The following DPP6 variants were observed in gnomAD, a reference collection of about 807,000 sequenced individuals.
The protein encoded by DPP6 is A-type potassium channel modulatory protein DPP6.
Under a neutral mutation model 122.6 loss-of-function variants are expected in DPP6, and 69 were observed. The observed-to-expected ratio is 0.56, with a 90% CI of 0.46 to 0.69. DPP6 has a LOEUF of 0.69. DPP6 is among the 30% of genes least tolerant of loss of function. The probability of loss-of-function intolerance (pLI) is 0.00; values close to 1 mark genes in which losing one functional copy is unlikely to be tolerated. For synonymous variants in DPP6, 418 were observed against 433.1 expected, an observed-to-expected ratio of 0.97 and a Z score of 0.43; for missense variants, 928 against 1,116.9, an observed-to-expected ratio of 0.83 and a Z score of 2.41.
At chr7:153,846,778 C>A in the DPP6 span, among the ~76,000 whole-genome samples, 48 of 150,552 alleles carry the variant, frequency 3.2e-4, no homozygotes, top group African/African-American at 1.0e-3. Flanking sequence ...CTGCAAGCTC[C>A]GCCTCCTGGG....
At chr7:154,775,370 C>G (rs887243024) in intron 10 of DPP6, among the ~76,000 whole-genome samples, 1 of 152,090 alleles carries the variant, frequency 6.6e-6, no homozygotes, top group African/African-American at 2.4e-5. Flanking sequence ...TATACATACC[C>G]CTTGTATGTG....
Position 154,885,690 on chromosome 7 carries a change from C to G in DPP6, c.2191C>G (p.Gln731Glu). ...ILPAKGENQG[Q>E]TFTCGSALSP... Reference sequence around the variant, plus strand: ...CCCAGCAAAGGGAGAAAATCAAGGCCAGACATTCACCTGCGGCTCTGCTCT... The same window carrying G: ...CCCAGCAAAGGGAGAAAATCAAGGCGAGACATTCACCTGCGGCTCTGCTCT... Residue 731 changes from glutamine to glutamate, a missense_variant, in exon 22 of 26, where the codon CAG becomes GAG. Transcript: ENST00000377770. 2 of 1,598,302 alleles carry G rather than the reference C, an allele frequency of 1.3e-6. No individual in the cohort carries two copies. The highest frequency in any genetic ancestry group is 2.3e-5 in the South Asian group (2 of 87,844).
chr7:154,721,915 C>A (rs1469034727), intron 7 of DPP6, among the ~76,000 whole-genome samples: 3 of 150,800 alleles, frequency 2.0e-5, no homozygotes, highest in Non-Finnish European at 1.5e-5. Flanking sequence ...CCTCTAATCC[C>A]AACACTTGTG....
chr7:153,847,359 A>AT, the DPP6 span, among the ~76,000 whole-genome samples: 17 of 152,134 alleles, frequency 1.1e-4, 1 homozygote, highest in Admixed American at 9.8e-4. Flanking sequence ...GTGGTGTTTG[A>AT]TTCTTTGTCT....
intron 16 of DPP6, among the ~76,000 whole-genome samples, chr7:154,808,058 T>C (rs1186599550): frequency 6.6e-6 from 1 of 152,122 alleles, no homozygotes; most frequent in African/African-American, 2.4e-5. Flanking sequence ...TCATCCTAAA[T>C]ATGGTCGTAA....
the DPP6 span, among the ~76,000 whole-genome samples, chr7:153,873,181 C>T: frequency 6.6e-6 from 1 of 152,174 alleles, no homozygotes; most frequent in Non-Finnish European, 1.5e-5. Context: ...TAACAACCGG[C>T]TCCCATGGGA....
chr7:154,536,807 T>C (rs984794899), intron 3 of DPP6, among the ~76,000 whole-genome samples: 1 of 152,198 alleles, frequency 6.6e-6, no homozygotes, highest in Non-Finnish European at 1.5e-5. Flanking sequence ...GCTGAAATAT[T>C]ATTGATCACA....
At chr7:153,837,837 ATTTTTTTTTTTTT>A in the DPP6 span, among the ~76,000 whole-genome samples, 1 of 80,630 alleles carries the variant, frequency 1.2e-5, no homozygotes, top group Non-Finnish European at 2.3e-5. Flanking sequence ...TGCCTGGTTA[ATTTTTTTTTTTTT>A]TTTTTTTTTT....
intron 1 of DPP6, among the ~76,000 whole-genome samples, chr7:154,360,147 G>T (rs915272858): frequency 2.6e-5 from 4 of 152,232 alleles, no homozygotes; most frequent in African/African-American, 9.6e-5. Flanking sequence ...TTTTCAAGCT[G>T]CCATTTAGAA....
At chr7:153,922,155 C>T (rs1226399861) in intron 1 of DPP6, among the ~76,000 whole-genome samples, 12 of 152,176 alleles carry the variant, frequency 7.9e-5, no homozygotes, top group Admixed American at 3.3e-4. Flanking sequence ...ACACTTCCCA[C>T]GCTCATACAA....
the DPP6 span, among the ~76,000 whole-genome samples, chr7:153,805,110 A>T: frequency 6.6e-6 from 1 of 152,320 alleles, no homozygotes; most frequent in Non-Finnish European, 1.5e-5. Flanking sequence ...GGCAAAAATC[A>T]TCAGTAGACA....
intron 1 of DPP6, among the ~76,000 whole-genome samples, chr7:153,966,683 GGC>G (rs1188761705): frequency 4.7e-5 from 7 of 149,496 alleles, no homozygotes; most frequent in African/African-American, 1.7e-4. Flanking sequence ...TACATGTGTT[GGC>G]TTTTTAAGGA....
intron 1 of DPP6, among the ~76,000 whole-genome samples, chr7:153,960,699 G>A (rs1795309518): frequency 7.8e-6 from 1 of 127,714 alleles, no homozygotes; most frequent in Non-Finnish European, 1.6e-5. Context: ...GTGCATGTGT[G>A]TGTGAATGTG....
intron 1 of DPP6, among the ~76,000 whole-genome samples, chr7:154,438,279 G>C (rs142300552): frequency 1.3e-5 from 2 of 151,782 alleles, no homozygotes; most frequent in Non-Finnish European, 2.9e-5. Context: ...CATCCTGGCT[G>C]ACACGGTGAA....
chr7:154,683,019 A>G (rs1019292288), intron 7 of DPP6, among the ~76,000 whole-genome samples: 5 of 152,028 alleles, frequency 3.3e-5, no homozygotes, highest in African/African-American at 1.2e-4. Flanking sequence ...CATCTAGTTC[A>G]GCTATTTCCA....
At chr7:154,816,501 G>A (rs986144659) in intron 16 of DPP6, among the ~76,000 whole-genome samples, 1 of 152,158 alleles carries the variant, frequency 6.6e-6, no homozygotes. Context: ...TGGATATGGG[G>A]CACCACTGTA....
chr7:154,662,153 C>G (rs1261309510), intron 6 of DPP6, among the ~76,000 whole-genome samples: 5 of 149,870 alleles, frequency 3.3e-5, no homozygotes, highest in African/African-American at 1.2e-4. Context: ...ATCACCATGG[C>G]ATATTGGCCG....
intron 1 of DPP6, among the ~76,000 whole-genome samples, chr7:154,071,012 A>T (rs1803082359): frequency 6.6e-6 from 1 of 152,226 alleles, no homozygotes. Context: ...ATAGTAGCTT[A>T]TCATGTATGT....
intron 4 of DPP6, among the ~76,000 whole-genome samples, chr7:154,561,216 A>G (rs1249290913): frequency 6.6e-6 from 1 of 152,222 alleles, no homozygotes; most frequent in Non-Finnish European, 1.5e-5. Flanking sequence ...TTTAATAAGG[A>G]TACGGAAGTC....
Sources: gnomAD v4.1 joint callset for allele counts (sites outside exome capture counted in the v4.1 genomes callset) on GRCh38, gnomAD v4.1.1 for gene constraint, MANE v1.5 for transcripts, NCBI Gene and HGNC (gene_info 2026-07-23, HGNC 2026-07-21) for gene names.